Variants in IMMP2L observed in about 807,000 individuals in gnomAD.
IMMP2L encodes mitochondrial inner membrane protease subunit 2.
IMMP2L carries 18 observed loss-of-function variants against 19.3 expected under a neutral mutation model. The ratio of observed to expected loss-of-function variants is 0.93; its 90% CI spans 0.64 to 1.38. The LOEUF is 1.38. IMMP2L is among the 40% of genes most tolerant of loss of function. IMMP2L has a pLI of 0.00. For synonymous variants in IMMP2L, 76 were observed against 73.0 expected, an observed-to-expected ratio of 1.04 and a Z score of -0.21; for missense variants, 233 against 218.2, an observed-to-expected ratio of 1.07 and a Z score of -0.43.
chr7:110,753,816 G>C (rs570709756), intron 5 of IMMP2L, among the ~76,000 whole-genome samples: 170 of 151,724 alleles, frequency 1.1e-3, no homozygotes, highest in Admixed American at 6.6e-3. Flanking sequence ...AATAGGGCGG[G>C]AATATAGACA....
intron 3 of IMMP2L, among the ~76,000 whole-genome samples, chr7:110,964,865 C>T (rs1173191453): frequency 6.6e-6 from 1 of 151,866 alleles, no homozygotes; most frequent in East Asian, 1.9e-4. Context: ...AGGAGAGACT[C>T]GTGGTGAAGA....
chr7:111,434,582 G>T (rs1378320663), intron 3 of IMMP2L, among the ~76,000 whole-genome samples: 4 of 151,412 alleles, frequency 2.6e-5, no homozygotes, highest in Non-Finnish European at 5.9e-5. Flanking sequence ...CTCTCACTCT[G>T]TTGCACAGGA....
chr7:111,535,977 C>T (rs1847852542), intron 1 of IMMP2L, among the ~76,000 whole-genome samples: 1 of 151,994 alleles, frequency 6.6e-6, no homozygotes, highest in South Asian at 2.1e-4. Flanking sequence ...TAAGATGAGC[C>T]TGAAACATTT....
chr7:111,250,603 G>T (rs1028394741), intron 3 of IMMP2L, among the ~76,000 whole-genome samples: 1 of 151,980 alleles, frequency 6.6e-6, no homozygotes, highest in Non-Finnish European at 1.5e-5. Context: ...AAGACTGCAC[G>T]TCTACAACCA....
intron 3 of IMMP2L, among the ~76,000 whole-genome samples, chr7:111,421,668 A>G (rs38750): frequency 0.62 from 93,272 of 151,212 alleles, 30,782 homozygotes; most frequent in African/African-American, 0.84. Flanking sequence ...CATTCTGTAG[A>G]TTGCCTGTTC....
chr7:111,354,538 G>A (rs376454697), intron 3 of IMMP2L, among the ~76,000 whole-genome samples: 17 of 151,180 alleles, frequency 1.1e-4, no homozygotes, highest in African/African-American at 3.1e-4. Context: ...CAAGAGGGAC[G>A]AGAGGTTCTA....
chr7:110,749,172 A>T (rs1250426787), intron 5 of IMMP2L, among the ~76,000 whole-genome samples: 1 of 152,236 alleles, frequency 6.6e-6, no homozygotes, highest in African/African-American at 2.4e-5. Context: ...TCATTAGAGA[A>T]ATGCAAATCA....
intron 3 of IMMP2L, among the ~76,000 whole-genome samples, chr7:111,185,487 T>C (rs868010354): frequency 6.6e-6 from 1 of 152,132 alleles, no homozygotes; most frequent in Non-Finnish European, 1.5e-5. Flanking sequence ...TCTGAAAGTG[T>C]TGGCAAAATA....
At chr7:111,221,831 G>A (rs573279951) in intron 3 of IMMP2L, among the ~76,000 whole-genome samples, 33 of 151,978 alleles carry the variant, frequency 2.2e-4, no homozygotes, top group African/African-American at 6.5e-4. Flanking sequence ...GTAGAAAAAC[G>A]TCTCCTGCCA....
chr7:110,917,366 T>G (rs2129549828), intron 4 of IMMP2L, among the ~76,000 whole-genome samples: 1 of 152,334 alleles, frequency 6.6e-6, no homozygotes, highest in Non-Finnish European at 1.5e-5. Context: ...TTTTTTTCTT[T>G]TCATGCCTTT....
At chr7:111,508,469 AAGAATTAGGCATGC>A (rs1328692725) in intron 2 of IMMP2L, among the ~76,000 whole-genome samples, 1 of 152,116 alleles carries the variant, frequency 6.6e-6, no homozygotes, top group Non-Finnish European at 1.5e-5. Flanking sequence ...CACAACCAGG[AAGAATTAGGCATGC>A]AGACACCAGA....
chr7:110,731,791 G>C (rs992192272), intron 5 of IMMP2L, among the ~76,000 whole-genome samples: 5 of 152,120 alleles, frequency 3.3e-5, no homozygotes, highest in African/African-American at 1.2e-4. Flanking sequence ...GTTGACTTCA[G>C]GATGAAGTCG....
intron 3 of IMMP2L, among the ~76,000 whole-genome samples, chr7:111,319,189 G>T (rs1314192590): frequency 1.3e-5 from 2 of 152,084 alleles, no homozygotes; most frequent in Non-Finnish European, 2.9e-5. Context: ...CTCAAAAAAA[G>T]TGCTGAGAGC....
intron 5 of IMMP2L, among the ~76,000 whole-genome samples, chr7:110,725,000 G>A (rs1243332345): frequency 6.6e-6 from 1 of 152,174 alleles, no homozygotes; most frequent in African/African-American, 2.4e-5. Context: ...GACTGAGGGA[G>A]TATAGAATAG....
intron 3 of IMMP2L, among the ~76,000 whole-genome samples, chr7:111,407,801 G>A (rs1028339333): frequency 6.6e-6 from 1 of 151,880 alleles, no homozygotes; most frequent in Non-Finnish European, 1.5e-5. Context: ...TTTATGAAAT[G>A]TAAATTACAT....
chr7:110,867,301 T>G (rs1273746514), intron 5 of IMMP2L, among the ~76,000 whole-genome samples: 1 of 151,842 alleles, frequency 6.6e-6, no homozygotes, highest in Admixed American at 6.6e-5. Flanking sequence ...ATAAGGGCAC[T>G]AATCTCATCA....
At chr7:111,492,133 T>G (rs17158596) in intron 2 of IMMP2L, among the ~76,000 whole-genome samples, 3 of 151,692 alleles carry the variant, frequency 2.0e-5, no homozygotes, top group Non-Finnish European at 2.9e-5. Context: ...TCTTTTTTTT[T>G]CTAAGTTTTG....
chr7:111,368,576 A>T (rs2131074472), intron 3 of IMMP2L, among the ~76,000 whole-genome samples: 1 of 152,024 alleles, frequency 6.6e-6, no homozygotes, highest in Middle Eastern at 3.4e-3. Flanking sequence ...CCTAATTCTT[A>T]TCTGTTTCAA....
chr7:111,243,778 G>A (rs1391935950), intron 3 of IMMP2L, among the ~76,000 whole-genome samples: 12 of 48,212 alleles, frequency 2.5e-4, no homozygotes, highest in African/African-American at 1.0e-3. Context: ...TTGGTTTTTT[G>A]TTCTTGCGAT....
Sources: gnomAD v4.1 joint callset for allele counts (sites outside exome capture counted in the v4.1 genomes callset) on GRCh38, gnomAD v4.1.1 for gene constraint, MANE v1.5 for transcripts, NCBI Gene and HGNC (gene_info 2026-07-23, HGNC 2026-07-21) for gene names.